EMC8: variants seen among roughly 807,000 people sequenced by gnomAD.
EMC8 encodes the protein ER membrane protein complex subunit 8, also known as COX4 neighbor.
Under a neutral mutation model 24.3 loss-of-function variants are expected in EMC8, and 11 were observed. The ratio of observed to expected loss-of-function variants is 0.45; its 90% CI spans 0.28 to 0.75. EMC8 has a LOEUF of 0.75. EMC8 is among the 30% of genes least tolerant of loss of function. The pLI, the probability that EMC8 is intolerant of heterozygous loss-of-function variation, is 0.12. For missense variants in EMC8, 277 were observed against 282.7 expected (o/e 0.98, Z 0.14); for synonymous variants, 145 against 117.7 (o/e 1.23, Z -1.50).
intron 3 of EMC8, chr16:85,780,705 CAT>C: frequency 1.8e-6 from 1 of 563,970 alleles, no homozygotes; most frequent in Non-Finnish European, 3.2e-6. Flanking sequence ...AGCTTCCAAA[CAT>C]GACTTCTTCC....
chr16:85,793,521 T>C (rs1905104232), intron 1 of EMC8, among the ~76,000 whole-genome samples: 1 of 152,120 alleles, frequency 6.6e-6, no homozygotes, highest in South Asian at 2.1e-4. Context: ...AACCACAGCA[T>C]CCCTCTCCCC....
chr16:85,793,155 GACTCTTTGC>G (rs1905086979), intron 1 of EMC8, among the ~76,000 whole-genome samples: 1 of 152,110 alleles, frequency 6.6e-6, no homozygotes, highest in Non-Finnish European at 1.5e-5. Context: ...TTCCCAACTA[GACTCTTTGC>G]ACAGAGGCAG....
rs146555773 is a variant in EMC8 at position 85,789,021 on chromosome 16, G to A, written c.261C>T (p.Tyr87=). 23 of 1,613,634 alleles carry A rather than the reference G, an allele frequency of 1.4e-5. 1 individual carries two copies. The highest frequency in any genetic ancestry group is 3.3e-5 in the South Asian group (3 of 91,082). ...TAGCTTGATAATAACCAGCAATCAC[G>A]TAGCTATGATCTTTGCACCATGAAT... ...LIDSWCKDHS[Y]VIAGYYQANE... Residue 87 remains tyrosine, a synonymous_variant, in exon 2 of 5, where the codon TAC becomes TAT. Transcript: ENST00000253457.
At chr16:85,798,822 C>T in intron 1 of EMC8, 1 of 463,420 alleles carries the variant, frequency 2.2e-6, no homozygotes, top group Non-Finnish European at 3.8e-6. Context: ...TAACGTATAA[C>T]TCGTCGCCTT....
intron 2 of EMC8, among the ~76,000 whole-genome samples, chr16:85,783,804 A>T (rs1362217680): frequency 6.6e-6 from 1 of 152,070 alleles, no homozygotes; most frequent in East Asian, 1.9e-4. Flanking sequence ...TGCCCAGAAG[A>T]CATGCCACCC....
At chr16:85,783,365 G>A (rs301170) in intron 2 of EMC8, among the ~76,000 whole-genome samples, 101,938 of 151,924 alleles carry the variant, frequency 0.67, 36,143 homozygotes, top group Non-Finnish European at 0.8. Flanking sequence ...ATTCACAGGT[G>A]TGATCATGGC....
intron 4 of EMC8, 157 bp from the exon 5 acceptor site, chr16:85,780,024 C>G (rs1597197620): frequency 1.6e-6 from 1 of 645,074 alleles, no homozygotes; most frequent in East Asian, 2.7e-5. Flanking sequence ...AAGAGGTATA[C>G]AGAGCATAGA....
chr16:85,798,067 G>T (rs924043293), intron 1 of EMC8, among the ~76,000 whole-genome samples: 1 of 150,208 alleles, frequency 6.7e-6, no homozygotes, highest in African/African-American at 2.5e-5. Context: ...ACATAAAAGC[G>T]TGTTGGACAG....
At chr16:85,798,515 G>C (rs1905381467) in intron 1 of EMC8, 1 of 152,602 alleles carries the variant, frequency 6.6e-6, no homozygotes, top group Non-Finnish European at 1.5e-5. Flanking sequence ...ACAAAGCTCA[G>C]GCACATTCAA....
rs1480483856 is a variant in EMC8 at position 85,799,311 on chromosome 16, C to T, written c.-16G>A. The T allele has an allele frequency of 1.9e-6, 3 of 1,557,474 alleles. No individual in the cohort carries two copies. The highest frequency in any genetic ancestry group is 1.8e-5 in the Admixed American group (1 of 57,010). On this transcript the variant is annotated 5_prime_UTR_variant, in exon 1 of 5. Transcript: ENST00000253457. The surrounding 1 kb of genome is among the most constrained non-coding windows in gnomAD (Gnocchi z 4.2). ...CCCCGGGCATGCTGACCCGGGAGGG[C>T]CCCGGAGGCCCCTGGGCGCGCGGCT...
intron 2 of EMC8, among the ~76,000 whole-genome samples, chr16:85,783,606 G>A (rs1904613126): frequency 6.6e-6 from 1 of 152,208 alleles, no homozygotes. Context: ...TCTCAGGCTG[G>A]CAGAGGCAGG....
rs933854701 is a variant in EMC8, at chr16:85,799,524, C to T, written c.-229G>A. On this transcript the variant is annotated 5_prime_UTR_variant, in exon 1 of 5. Transcript: ENST00000253457. This position sits in a 1 kb window ranked among gnomAD's most constrained non-coding sequence, Gnocchi z 4.2. ...AGCCCCAGACTCCAGTCGCGCTTCT[C>T]GCCCGGCGCCGCCGGAAAGCAGCCT... 2 of 379,122 alleles carry T rather than the reference C, an allele frequency of 5.3e-6. No individual in the cohort carries two copies. The highest frequency in any genetic ancestry group is 2.3e-4 in the South Asian group (2 of 8,828). The allele number at this position is 379,122 out of a possible 1,614,324, so 23.5% of individuals were successfully genotyped here. A position where few individuals can be genotyped will look rare whatever the true frequency, so the allele number is the denominator to read the frequency against.
chr16:85,792,508 A>G (rs2270500), intron 1 of EMC8: 111,410 of 152,132 alleles, frequency 0.73, 41,774 homozygotes, highest in Middle Eastern at 0.79. Context: ...AGACTCGGCC[A>G]AGCCTCAGCA....
At chr16:85,793,154 A>G (rs555437339) in intron 1 of EMC8, among the ~76,000 whole-genome samples, 1 of 152,244 alleles carries the variant, frequency 6.6e-6, no homozygotes, top group South Asian at 2.1e-4. Context: ...ATTCCCAACT[A>G]GACTCTTTGC....
chr16:85,790,829 AAAC>A (rs757022671), intron 1 of EMC8, among the ~76,000 whole-genome samples: 1 of 152,098 alleles, frequency 6.6e-6, no homozygotes, highest in South Asian at 2.1e-4. Flanking sequence ...TAGTGGCTTA[AAAC>A]AACACTTTTT....
chr16:85,798,121 T>C (rs1304101257), intron 1 of EMC8, among the ~76,000 whole-genome samples: 1 of 138,382 alleles, frequency 7.2e-6, no homozygotes, highest in Admixed American at 7.2e-5. Context: ...TTCGTTTTTT[T>C]TTTTTTTTTT....
intron 1 of EMC8, chr16:85,792,377 A>G (rs1244188365): frequency 6.6e-6 from 1 of 152,216 alleles, no homozygotes; most frequent in East Asian, 1.9e-4. Context: ...GCCTGGCTTT[A>G]GAATTTAGAA....
intron 1 of EMC8, among the ~76,000 whole-genome samples, chr16:85,794,735 G>C (rs565726663): frequency 6.6e-6 from 1 of 152,286 alleles, no homozygotes; most frequent in African/African-American, 2.4e-5. Context: ...CTTGCTGCTT[G>C]TTTTCACTGC....
intron 2 of EMC8, among the ~76,000 whole-genome samples, chr16:85,786,432 G>A (rs192199112): frequency 6.6e-6 from 1 of 152,332 alleles, no homozygotes; most frequent in African/African-American, 2.4e-5. Flanking sequence ...CCTCTGAGAA[G>A]CCACCTTCTC....
Sources: gnomAD v4.1 joint callset for allele counts (sites outside exome capture counted in the v4.1 genomes callset) on GRCh38, gnomAD v4.1.1 for gene constraint, Gnocchi (gnomAD v3.1) non-coding constraint, MANE v1.5 for transcripts, NCBI Gene and HGNC (gene_info 2026-07-23, HGNC 2026-07-21) for gene names.